LINGO2: variants seen among roughly 807,000 people sequenced by gnomAD.
LINGO2 encodes leucine rich repeat and Ig domain containing 2, also known as leucine-rich repeat and immunoglobulin-like domain-containing nogo receptor-interacting protein 2.
LINGO2 carries 14 observed loss-of-function variants against 30.6 expected under a neutral mutation model. The ratio of observed to expected loss-of-function variants is 0.46; its 90% CI spans 0.30 to 0.72. The LOEUF is 0.72. Ranked by LOEUF, LINGO2 falls within the 30% of genes least tolerant of loss-of-function variation. The pLI is 0.07. For missense variants in LINGO2, 729 were observed against 751.7 expected (o/e 0.97, Z 0.35); for synonymous variants, 317 against 288.5 (o/e 1.10, Z -1.00).
chr9:28,043,408 G>C (rs1177223925), intron 4 of LINGO2, among the ~76,000 whole-genome samples: 1 of 152,176 alleles, frequency 6.6e-6, no homozygotes, highest in African/African-American at 2.4e-5. Context: ...TTTTTCATCT[G>C]ACAAGTGTAG....
At chr9:28,676,789 A>G in the LINGO2 span, among the ~76,000 whole-genome samples, 16,343 of 152,134 alleles carry the variant, frequency 0.11, 1,122 homozygotes, top group East Asian at 0.28. Flanking sequence ...CAAGAGTGAA[A>G]GCCATACATC....
At chr9:29,158,598 A>G in the LINGO2 span, among the ~76,000 whole-genome samples, 2 of 152,086 alleles carry the variant, frequency 1.3e-5, no homozygotes, top group African/African-American at 4.8e-5. Flanking sequence ...CTTGACATTC[A>G]TCTCTATTGT....
the LINGO2 span, among the ~76,000 whole-genome samples, chr9:28,885,123 A>G: frequency 6.9e-6 from 1 of 144,860 alleles, no homozygotes; most frequent in Admixed American, 7.1e-5. Flanking sequence ...TCCTCTCAGA[A>G]CACTGAGCAC....
chr9:28,535,107 G>A (rs73644056), intron 1 of LINGO2, among the ~76,000 whole-genome samples: 2,563 of 152,174 alleles, frequency 0.017, 68 homozygotes, highest in African/African-American at 0.056. Flanking sequence ...ATGCATTTAT[G>A]TTTACAAATA....
chr9:28,449,991 G>A (rs1016152113), intron 2 of LINGO2, among the ~76,000 whole-genome samples: 1 of 151,898 alleles, frequency 6.6e-6, no homozygotes, highest in African/African-American at 2.4e-5. Flanking sequence ...GGATTCGTAG[G>A]CACACCATTC....
At chr9:28,004,888 C>T (rs1822184171) in intron 5 of LINGO2, among the ~76,000 whole-genome samples, 1 of 152,062 alleles carries the variant, frequency 6.6e-6, no homozygotes, top group South Asian at 2.1e-4. Context: ...AAGAGGAGTT[C>T]CTTCCAGAAA....
chr9:28,494,191 C>A (rs528887296), intron 1 of LINGO2, among the ~76,000 whole-genome samples: 2 of 152,116 alleles, frequency 1.3e-5, no homozygotes, highest in East Asian at 1.9e-4. Context: ...AACACAATTA[C>A]CTTTGTATCA....
intron 4 of LINGO2, among the ~76,000 whole-genome samples, chr9:28,290,687 A>G (rs4878276): frequency 0.2 from 30,374 of 152,082 alleles, 4,376 homozygotes; most frequent in East Asian, 0.48. Context: ...AGCAATCATG[A>G]GGAGTGAAGG....
chr9:28,482,405 G>C (rs1184586819), intron 1 of LINGO2, among the ~76,000 whole-genome samples: 1 of 152,062 alleles, frequency 6.6e-6, no homozygotes, highest in East Asian at 1.9e-4. Context: ...TGTGTTTTCT[G>C]GCTGCATAAA....
At chr9:28,560,019 C>A (rs192991406) in intron 1 of LINGO2, among the ~76,000 whole-genome samples, 159 of 151,350 alleles carry the variant, frequency 1.1e-3, no homozygotes, top group Admixed American at 6.1e-3. Flanking sequence ...CAGCCTCCTA[C>A]TCAAAGCTGC....
chr9:28,848,826 G>A, the LINGO2 span, among the ~76,000 whole-genome samples: 3 of 151,688 alleles, frequency 2.0e-5, no homozygotes, highest in South Asian at 2.1e-4. Context: ...AAACTCCCAC[G>A]CCTTCCTCTC....
intron 1 of LINGO2, among the ~76,000 whole-genome samples, chr9:28,528,312 C>G (rs1821105601): frequency 1.3e-5 from 2 of 152,146 alleles, no homozygotes; most frequent in South Asian, 4.1e-4. Flanking sequence ...GGGTAGTTGT[C>G]AGAAGCTATC....
chr9:28,301,704 C>T (rs891000877), intron 3 of LINGO2, among the ~76,000 whole-genome samples: 3 of 152,152 alleles, frequency 2.0e-5, no homozygotes, highest in South Asian at 2.1e-4. Context: ...AATGATTCTT[C>T]CATGAATTGC....
the LINGO2 span, among the ~76,000 whole-genome samples, chr9:28,756,171 C>T: frequency 6.6e-6 from 1 of 151,922 alleles, no homozygotes. Context: ...AGAGTTTACC[C>T]TTTGTATCAG....
chr9:28,769,469 T>C, the LINGO2 span, among the ~76,000 whole-genome samples: 1 of 898 alleles, frequency 1.1e-3, no homozygotes, highest in African/African-American at 3.1e-3. Context: ...ATGCTATATA[T>C]ATATATATAT....
intron 4 of LINGO2, among the ~76,000 whole-genome samples, chr9:28,159,656 G>A (rs1362214591): frequency 1.3e-5 from 2 of 151,924 alleles, no homozygotes; most frequent in Non-Finnish European, 2.9e-5. Context: ...ACAAAGACTA[G>A]TGTAGAAATC....
the LINGO2 span, among the ~76,000 whole-genome samples, chr9:28,990,936 G>C: frequency 0.014 from 2,074 of 152,248 alleles, 30 homozygotes; most frequent in African/African-American, 0.046. Flanking sequence ...AGAAAGACTG[G>C]AAACTCTAAA....
the LINGO2 span, among the ~76,000 whole-genome samples, chr9:28,707,779 G>A: frequency 6.6e-6 from 1 of 152,018 alleles, no homozygotes; most frequent in Non-Finnish European, 1.5e-5. Context: ...AAGGGTGGGA[G>A]GAAGAAGTAG....
At chr9:28,881,625 G>A in the LINGO2 span, among the ~76,000 whole-genome samples, 5 of 149,090 alleles carry the variant, frequency 3.4e-5, no homozygotes, top group African/African-American at 9.9e-5. Context: ...TGTACGGTAT[G>A]GTTTCATTGT....
Sources: allele counts gnomAD v4.1 joint callset (sites outside exome capture counted in the v4.1 genomes callset), GRCh38; gene constraint gnomAD v4.1.1; transcripts MANE v1.5; gene names NCBI Gene and HGNC (gene_info 2026-07-23, HGNC 2026-07-21).